Variants in CARMIL1 observed in about 807,000 individuals in gnomAD.
CARMIL1 encodes the protein F-actin-uncapping protein LRRC16A.
A neutral mutation model predicts 177.1 loss-of-function variants in CARMIL1; 90 were observed. That is an observed-to-expected ratio of 0.51 (90% confidence interval 0.43 to 0.61). The LOEUF (loss-of-function observed/expected upper bound fraction) is 0.61. CARMIL1 is among the 20% of genes least tolerant of loss of function. The pLI is 0.00. For synonymous variants in CARMIL1, 577 were observed against 606.2 expected, an observed-to-expected ratio of 0.95 and a Z score of 0.71; for missense variants, 1,380 against 1,667.0, an observed-to-expected ratio of 0.83 and a Z score of 3.00.
chr6:25,618,558 G>A (rs1418221991), intron 36 of CARMIL1, among the ~76,000 whole-genome samples: 2 of 152,220 alleles, frequency 1.3e-5, no homozygotes, highest in Non-Finnish European at 2.9e-5. Context: ...CCATGTTCTA[G>A]TTGGAAAGAA....
At chr6:25,420,262 C>A in intron 3 of CARMIL1, 98 bp downstream of exon 3, 1 of 1,069,754 alleles carries the variant, frequency 9.3e-7, no homozygotes, top group Non-Finnish European at 1.5e-6. Context: ...ACACATATTC[C>A]TTCATATACT....
At chr6:25,432,219 G>T (rs1305613352) in intron 4 of CARMIL1, among the ~76,000 whole-genome samples, 2 of 151,922 alleles carry the variant, frequency 1.3e-5, no homozygotes, top group Non-Finnish European at 2.9e-5. Flanking sequence ...CTCTAGTTTT[G>T]ATTTTCTTTT....
intron 17 of CARMIL1, among the ~76,000 whole-genome samples, chr6:25,503,268 T>C (rs902613547): frequency 2.0e-5 from 3 of 152,228 alleles, no homozygotes; most frequent in African/African-American, 4.8e-5. Context: ...TCCCCACTTA[T>C]AACCTGAATC....
At chr6:25,430,431 G>GTTTTTTTTTTTTTTTTTTTTTTTTGTTTT (rs34148308) in intron 4 of CARMIL1, among the ~76,000 whole-genome samples, 1 of 142,374 alleles carries the variant, frequency 7.0e-6, no homozygotes, top group Non-Finnish European at 1.5e-5. Context: ...CTTTGAGAAG[G>GTTTTTTTTTTTTTTTTTTTTTTTTGTTTT]TTTTTTTTTT....
intron 2 of CARMIL1, among the ~76,000 whole-genome samples, chr6:25,294,911 G>A (rs1782270957): frequency 6.6e-6 from 1 of 152,178 alleles, no homozygotes; most frequent in South Asian, 2.1e-4. Context: ...GGCTCCTGTG[G>A]ATTGTGCCTT....
At position 25,287,011 on chromosome 6, in the gene CARMIL1, T is replaced by C. The variant is rs188135401; in HGVS notation, c.138+2102T>C. Among the ~76,000 whole-genome samples the C allele has an allele frequency of 3.3e-5, 5 of 152,332 alleles. No individual in the cohort carries two copies. The East Asian group carries it at 9.6e-4, about 29-fold the overall frequency. ...TTTCTAGAAGCATGGCCGGAACTCA[T>C]TGTGGCTGTTACTTACTTGCATGGG... On this transcript the variant is annotated intron_variant, in intron 2 of 36. Transcript: ENST00000329474.
intron 17 of CARMIL1, among the ~76,000 whole-genome samples, chr6:25,500,575 G>A (rs1275295531): frequency 6.6e-6 from 1 of 152,016 alleles, no homozygotes; most frequent in East Asian, 1.9e-4. Flanking sequence ...TTGTTGCAAG[G>A]GACAAATGTG....
chr6:25,279,759 T>A lies in CARMIL1; in HGVS notation c.-37T>A, dbSNP rs1468042785. 6.2e-7 allele frequency: 1 copy of A among 1,609,706 alleles called. No individual in the cohort carries two copies. Among genetic ancestry groups the A allele is most frequent in the Non-Finnish European group, 8.5e-7 (1 of 1,176,200 alleles). ...AAGGGCAGGGGGCCATAAATCAGAG[T>A]TGGACCTGCAATAACCCCCACACCT... On this transcript the variant is annotated 5_prime_UTR_variant, in exon 1 of 37. It adds an upstream start codon to the 5' untranslated region. Coordinates refer to ENST00000329474, the MANE Select transcript of CARMIL1 (RefSeq NM_017640.6).
At chr6:25,289,651 C>T (rs963339183) in intron 2 of CARMIL1, among the ~76,000 whole-genome samples, 3 of 152,202 alleles carry the variant, frequency 2.0e-5, no homozygotes, top group African/African-American at 7.2e-5. Context: ...TTCTCCATTT[C>T]TATAAATTTG....
At chr6:25,552,735 ACCACTCCTC>A (rs143523353) in intron 27 of CARMIL1, among the ~76,000 whole-genome samples, 277 of 152,298 alleles carry the variant, frequency 1.8e-3, no homozygotes, top group African/African-American at 6.0e-3. Context: ...AAATAGATGA[ACCACTCCTC>A]CCCACTTTCA....
chr6:25,517,449 TA>T (rs757439732), intron 22 of CARMIL1, 34 bp downstream of exon 22: 12 of 1,562,590 alleles, frequency 7.7e-6, no homozygotes, highest in South Asian at 3.3e-5. Flanking sequence ...TCTAGGAAAA[TA>T]AAAAAACAAA....
intron 5 of CARMIL1, among the ~76,000 whole-genome samples, chr6:25,447,512 C>A (rs1345265290): frequency 2.0e-5 from 3 of 152,130 alleles, no homozygotes; most frequent in Non-Finnish European, 4.4e-5. Flanking sequence ...GCCTTGAAAT[C>A]ATTAAAGATG....
intron 12 of CARMIL1, among the ~76,000 whole-genome samples, chr6:25,482,584 T>C (rs545950778): frequency 1.3e-5 from 2 of 152,292 alleles, no homozygotes; most frequent in African/African-American, 4.8e-5. Flanking sequence ...TCTTTAACTT[T>C]TAAAACTTTG....
intron 2 of CARMIL1, among the ~76,000 whole-genome samples, chr6:25,344,921 A>T (rs1462574492): frequency 6.6e-6 from 1 of 151,910 alleles, no homozygotes; most frequent in Non-Finnish European, 1.5e-5. Context: ...TATTTTTCTT[A>T]TTAAATAAAA....
chr6:25,451,901 C>T, intron 8 of CARMIL1: 1 of 575,900 alleles, frequency 1.7e-6, no homozygotes, highest in South Asian at 2.1e-5. Context: ...TCTGGGATTC[C>T]AGCTATATCA....
intron 2 of CARMIL1, among the ~76,000 whole-genome samples, chr6:25,362,135 T>A (rs1789275480): frequency 6.6e-6 from 1 of 152,188 alleles, no homozygotes; most frequent in Non-Finnish European, 1.5e-5. Context: ...GTTCCACTTG[T>A]AAGCAGCTCC....
intron 28 of CARMIL1, 86 bp from the exon 29 acceptor site, chr6:25,556,615 T>C (rs1810622976): frequency 3.1e-6 from 4 of 1,308,930 alleles, no homozygotes; most frequent in Non-Finnish European, 4.2e-6. Context: ...CACTGCGCCA[T>C]CTTGTGGAAG....
At chr6:25,369,569 A>C in intron 2 of CARMIL1, among the ~76,000 whole-genome samples, 1 of 150,688 alleles carries the variant, frequency 6.6e-6, no homozygotes, top group Non-Finnish European at 1.5e-5. Flanking sequence ...CCACTTCCTC[A>C]CTTGCTATGT....
At chr6:25,552,730 G>A (rs188025720) in intron 27 of CARMIL1, among the ~76,000 whole-genome samples, 120 of 152,244 alleles carry the variant, frequency 7.9e-4, no homozygotes, top group African/African-American at 2.7e-3. Flanking sequence ...ATTTGAAATA[G>A]ATGAACCACT....
Sources: gnomAD v4.1 joint callset for allele counts (sites outside exome capture counted in the v4.1 genomes callset) on GRCh38, gnomAD v4.1.1 for gene constraint, MANE v1.5 for transcripts, NCBI Gene and HGNC (gene_info 2026-07-23, HGNC 2026-07-21) for gene names.